Variants in CELF2 observed in about 807,000 individuals in gnomAD.
CELF2 encodes CUG triplet repeat RNA-binding protein 2.
CELF2 carries 8 observed loss-of-function variants against 62.6 expected under a neutral mutation model. The observed-to-expected ratio is 0.13, with a 90% CI of 0.07 to 0.23. The LOEUF (loss-of-function observed/expected upper bound fraction) is 0.23, where lower values mean the gene tolerates loss of function less well. Among genes scored for constraint, CELF2 ranks in the 10% least tolerant of loss-of-function variants. CELF2 has a pLI of 1.00. For missense variants in CELF2, 333 were observed against 671.0 expected, an observed-to-expected ratio of 0.50 and a Z score of 5.56; for synonymous variants, 258 against 250.0, an observed-to-expected ratio of 1.03 and a Z score of -0.30.
At chr10:10,572,374 G>A in the CELF2 span, among the ~76,000 whole-genome samples, 1 of 151,388 alleles carries the variant, frequency 6.6e-6, no homozygotes, top group Non-Finnish European at 1.5e-5. Flanking sequence ...TAAGTTCCAG[G>A]GCATGTGTAC....
chr10:11,046,351 A>G lies in CELF2; in HGVS notation c.74+28188A>G, dbSNP rs2062844220. 6.6e-6 allele frequency among the ~76,000 whole-genome samples: 1 copy of G among 152,194 alleles called. No homozygotes were observed. Among genetic ancestry groups the G allele is most frequent in the Admixed American group, 6.5e-5 (1 of 15,284 alleles). On this transcript the variant is annotated intron_variant, in intron 1 of 12. Transcript: ENST00000633077. This position sits in a 1 kb window ranked among gnomAD's most constrained non-coding sequence, Gnocchi z 4.6. Reference sequence around the variant, plus strand: ...ATCACAGATTGCCAACTGCTGCTGGATGCAATTTGGATCTCCCTAGACGAC... The same window carrying G: ...ATCACAGATTGCCAACTGCTGCTGGGTGCAATTTGGATCTCCCTAGACGAC...
chr10:11,183,541 C>T (rs2134113572), intron 2 of CELF2, among the ~76,000 whole-genome samples: 1 of 152,328 alleles, frequency 6.6e-6, no homozygotes, highest in South Asian at 2.1e-4. Context: ...AGGGATTGTA[C>T]CATTTTACAT....
chr10:11,317,563 T>G (rs1001763954), intron 10 of CELF2: 1 of 152,244 alleles, frequency 6.6e-6, no homozygotes, highest in African/African-American at 2.4e-5. Context: ...ACATTCTCCC[T>G]TTTTCTTTGA....
chr10:11,172,721 C>G (rs958143527), intron 2 of CELF2, among the ~76,000 whole-genome samples: 1 of 152,136 alleles, frequency 6.6e-6, no homozygotes, highest in Non-Finnish European at 1.5e-5. Context: ...CAAAAAAGAC[C>G]GACAGAGCGA....
intron 1 of CELF2, among the ~76,000 whole-genome samples, chr10:10,832,275 A>C (rs867722529): frequency 1.6e-5 from 1 of 62,104 alleles, no homozygotes. Flanking sequence ...CTAAAAAAAA[A>C]AAATAAAAAT....
In CELF2 at chr10:11,214,213, T is replaced by A. The variant is rs546741033; in HGVS notation, c.272-3212T>A. On this transcript the variant is annotated intron_variant, in intron 2 of 12. Coordinates refer to ENST00000633077, the MANE Select transcript of CELF2 (RefSeq NM_001326342.2). This position sits in a 1 kb window ranked among gnomAD's most constrained non-coding sequence, Gnocchi z 4.2. Reference sequence around the variant, plus strand: ...AGGAGAACCACTTGAGCCAAGGAGTTCAAGGCTGCAGTGAGCTGTGATCAC... The same window carrying A: ...AGGAGAACCACTTGAGCCAAGGAGTACAAGGCTGCAGTGAGCTGTGATCAC... 6.6e-6 allele frequency among the ~76,000 whole-genome samples: 1 copy of A among 152,220 alleles called. No individual in the cohort carries two copies. The highest frequency in any genetic ancestry group is 2.1e-4 in the South Asian group (1 of 4,822).
chr10:11,163,757 C>G (rs908063735), intron 1 of CELF2, among the ~76,000 whole-genome samples: 1 of 152,140 alleles, frequency 6.6e-6, no homozygotes, highest in Non-Finnish European at 1.5e-5. Flanking sequence ...GAAATTGAAA[C>G]CAGGACCTAG....
At chr10:10,639,037 A>G in the CELF2 span, among the ~76,000 whole-genome samples, 1 of 152,140 alleles carries the variant, frequency 6.6e-6, no homozygotes, top group Non-Finnish European at 1.5e-5. Context: ...CTGTGATTCA[A>G]TGTTATTGTT....
At chr10:10,724,089 T>C in the CELF2 span, among the ~76,000 whole-genome samples, 25 of 152,354 alleles carry the variant, frequency 1.6e-4, no homozygotes, top group African/African-American at 4.8e-4. Context: ...GAGGCCCTGC[T>C]CTTGAACTCT....
the CELF2 span, among the ~76,000 whole-genome samples, chr10:10,472,001 T>G: frequency 1.3e-5 from 2 of 151,818 alleles, no homozygotes; most frequent in Non-Finnish European, 2.9e-5. Context: ...TTAATGTGTG[T>G]GTTTTCTCTA....
At chr10:11,103,487 A>ATTTT (rs3054364) in intron 1 of CELF2, among the ~76,000 whole-genome samples, 4,998 of 119,658 alleles carry the variant, frequency 0.042, 241 homozygotes, top group Non-Finnish European at 0.056. Flanking sequence ...TTGTAGCCTG[A>ATTTT]TTTTTTTTTT....
intron 1 of CELF2, among the ~76,000 whole-genome samples, chr10:10,876,289 G>T (rs2061086848): frequency 6.6e-6 from 1 of 152,146 alleles, no homozygotes; most frequent in Admixed American, 6.5e-5. Flanking sequence ...GTTATGCTTA[G>T]GAGGAAGAGA....
chr10:10,470,284 TA>T, the CELF2 span, among the ~76,000 whole-genome samples: 1 of 151,946 alleles, frequency 6.6e-6, no homozygotes, highest in African/African-American at 2.4e-5. Flanking sequence ...CCCTTTTTTT[TA>T]AAATGAGTTT....
chr10:10,815,904 GT>G lies in CELF2; in HGVS notation c.53+17102del, dbSNP rs33926226. 5.4e-3 allele frequency among the ~76,000 whole-genome samples: 710 copies of G among 132,610 alleles called. 2 individuals are homozygous for G. The highest frequency in any genetic ancestry group is 0.031 in the East Asian group (144 of 4,718). The allele number at this position is 132,610 out of a possible 152,430, so 87.0% of individuals were successfully genotyped here. ...TATTTCATAGCTTGGGGTTTGGGTT[GT>G]TTTTTTTTTTTTTTGCCCCATAAAT... On this transcript the variant is annotated intron_variant, in intron 1 of 13. Coordinates refer to the CELF2 transcript ENST00000636488.
At chr10:10,873,864 CAGCTTCCTGTGAGCAA>C (rs976017338) in intron 1 of CELF2, among the ~76,000 whole-genome samples, 13 of 152,262 alleles carry the variant, frequency 8.5e-5, no homozygotes, top group Admixed American at 3.3e-4. Flanking sequence ...GTGGAGGAAA[CAGCTTCCTGTGAGCAA>C]AGCTGATGCG....
At chr10:11,049,175 C>G (rs2063420359) in intron 1 of CELF2, among the ~76,000 whole-genome samples, 1 of 150,300 alleles carries the variant, frequency 6.7e-6, no homozygotes, top group African/African-American at 2.4e-5. Context: ...GCTTAGCCTT[C>G]CAGATATTTT....
At chr10:11,259,411 T>G (rs958421601) in intron 5 of CELF2, among the ~76,000 whole-genome samples, 1 of 149,388 alleles carries the variant, frequency 6.7e-6, no homozygotes, top group Non-Finnish European at 1.5e-5. Context: ...ATTCCTGTGT[T>G]TTCTTCGGAA....
chr10:11,240,417 C>G (rs1211859168), intron 3 of CELF2, among the ~76,000 whole-genome samples: 2 of 152,192 alleles, frequency 1.3e-5, no homozygotes, highest in Non-Finnish European at 2.9e-5. Context: ...TGATTCACAA[C>G]CATTGTTTCC....
At chr10:10,525,605 T>C in the CELF2 span, among the ~76,000 whole-genome samples, 1 of 152,358 alleles carries the variant, frequency 6.6e-6, no homozygotes, top group South Asian at 2.1e-4. Flanking sequence ...TGTCTTTCTT[T>C]GCCTGGCTTA....
Sources: gnomAD v4.1 joint callset for allele counts (sites outside exome capture counted in the v4.1 genomes callset) on GRCh38, gnomAD v4.1.1 for gene constraint, Gnocchi (gnomAD v3.1) non-coding constraint, MANE v1.5 for transcripts, NCBI Gene and HGNC (gene_info 2026-07-23, HGNC 2026-07-21) for gene names.